The following ARHGAP35 variants were observed in gnomAD, a reference collection of about 807,000 sequenced individuals.
ARHGAP35 encodes the protein Rho GTPase activating protein 35, also known as rho GTPase-activating protein 35.
Under a neutral mutation model 111.1 loss-of-function variants are expected in ARHGAP35, and 15 were observed. That is an observed-to-expected ratio of 0.13 (90% CI 0.09 to 0.21). ARHGAP35 has a LOEUF of 0.21. Ranked by LOEUF, ARHGAP35 falls within the 10% of genes least tolerant of loss-of-function variation. ARHGAP35 has a pLI of 1.00. For missense variants in ARHGAP35, 1,262 were observed against 1,873.0 expected (o/e 0.67, Z 6.02); for synonymous variants, 643 against 710.3 (o/e 0.91, Z 1.51).
rs189457811 is a variant in ARHGAP35, at chr19:47,000,723, C to G, written c.*35C>G. ...ACCTGGGGCGACAGGAGAACCGGTC[C>G]TCTCTCTGACGGGGTGGCATTTGGC... On this transcript the variant is annotated 3_prime_UTR_variant, in exon 7 of 7. Coordinates refer to ENST00000672722, the MANE Select transcript of ARHGAP35 (RefSeq NM_004491.5). The surrounding 1 kb of genome is among the most constrained non-coding windows in gnomAD (Gnocchi z 6.9). 900 of 1,532,502 alleles carry G rather than the reference C, an allele frequency of 5.9e-4. 7 individuals are homozygous for G. In the African/African-American group the frequency reaches 0.011, roughly 19 times the overall value. 94.9% of individuals were successfully genotyped at this position (1,532,502 alleles called of 1,614,324 possible).
rs376342193 is a variant in ARHGAP35, at chr19:46,879,587, A to AAAAT, written c.-189+18406_-189+18409dup. Among the ~76,000 whole-genome samples the AAAAT allele has an allele frequency of 3.6e-3, 319 of 87,724 alleles. 6 individuals carry two copies. The highest frequency in any genetic ancestry group is 5.7e-3 in the African/African-American group (131 of 22,948). 57.6% of individuals were successfully genotyped at this position (87,724 alleles called of 152,430 possible). On this transcript the variant is annotated intron_variant, in intron 1 of 6. Coordinates refer to ENST00000672722, the MANE Select transcript of ARHGAP35 (RefSeq NM_004491.5). ...GGACAACAGAGTGAGACTCCATCTCAAAATAAATAAATAAATAAATAAATA... is the reference window on the plus strand; with the variant it reads ...GGACAACAGAGTGAGACTCCATCTCAAAATAAATAAATAAATAAATAAATAAATA...
In ARHGAP35 at chr19:47,001,064, G is replaced by T; in HGVS notation, c.*376G>T. On this transcript the variant is annotated 3_prime_UTR_variant, in exon 7 of 7. Coordinates refer to ENST00000672722, the MANE Select transcript of ARHGAP35 (RefSeq NM_004491.5). This position sits in a 1 kb window ranked among gnomAD's most constrained non-coding sequence, Gnocchi z 5.4. ...GTGCCCTGGCCTTTGCCGGGGAGGA[G>T]GATGCTCTGAGATTCAGGGTGGGGC... 1 of 1,327,162 alleles carries T rather than the reference G, an allele frequency of 7.5e-7. No homozygotes were observed. 82.2% of individuals were successfully genotyped at this position (1,327,162 alleles called of 1,614,324 possible).
chr19:46,898,496 T>C (rs2056068735), intron 1 of ARHGAP35, among the ~76,000 whole-genome samples: 1 of 152,234 alleles, frequency 6.6e-6, no homozygotes, highest in Non-Finnish European at 1.5e-5. Context: ...TTTTTTAAAA[T>C]TGCTAGTCCT....
intron 2 of ARHGAP35, among the ~76,000 whole-genome samples, chr19:46,934,383 C>G (rs542653242): frequency 5.3e-5 from 8 of 152,206 alleles, no homozygotes; most frequent in Admixed American, 4.6e-4. Flanking sequence ...GCCCCTCCTC[C>G]CGGAGACACA....
chr19:46,877,424 G>A (rs1265969158), intron 1 of ARHGAP35, among the ~76,000 whole-genome samples: 1 of 151,718 alleles, frequency 6.6e-6, no homozygotes, highest in Non-Finnish European at 1.5e-5. Context: ...CTAGCCGGGC[G>A]TGGTGGTGGG....
At chr19:46,943,155 CT>C (rs2056359189) in intron 3 of ARHGAP35, among the ~76,000 whole-genome samples, 1 of 152,140 alleles carries the variant, frequency 6.6e-6, no homozygotes, top group South Asian at 2.1e-4. Context: ...ATCCTTCCTC[CT>C]TTTCTTCCTG....
chr19:46,920,629 C>T lies in ARHGAP35; in HGVS notation c.1954C>T (p.Gln652Ter). Reference protein sequence around the residue: ...GNVRLPVNSFQTPTFQPHGCL... With the variant: ...GNVRLPVNSF ...TGTCAGGCTTCCTGTGAACTCTTTC[C>T]AGACGCCAACATTTCAGCCCCACGG... The change falls in exon 2 of 7, where the codon CAG becomes TAG. Residue 652 changes from glutamine (Q) to a stop codon, truncating the protein, a stop_gained. Transcript: ENST00000672722. LOFTEE classifies it high-confidence loss of function. The surrounding 1 kb of genome is among the most constrained non-coding windows in gnomAD (Gnocchi z 7.0). The T allele has an allele frequency of 6.2e-7, 1 of 1,614,028 alleles. No homozygotes were observed. The highest frequency in any genetic ancestry group is 8.5e-7 in the Non-Finnish European group (1 of 1,179,902).
chr19:46,949,552 G>T (rs566959033), intron 3 of ARHGAP35, among the ~76,000 whole-genome samples: 2 of 152,240 alleles, frequency 1.3e-5, no homozygotes, highest in South Asian at 4.1e-4. Context: ...CAACAAAAAA[G>T]GGGTCTCATG....
At chr19:46,976,611 A>G (rs993156465) in intron 3 of ARHGAP35, among the ~76,000 whole-genome samples, 1 of 152,238 alleles carries the variant, frequency 6.6e-6, no homozygotes, top group African/African-American at 2.4e-5. Context: ...CGCCTTCTCC[A>G]TGGTGGGGAG....
chr19:46,913,448 G>A (rs1176552019), intron 1 of ARHGAP35, among the ~76,000 whole-genome samples: 5 of 152,004 alleles, frequency 3.3e-5, no homozygotes, highest in Non-Finnish European at 7.4e-5. Flanking sequence ...GTGTTTCATA[G>A]AGGTGTTAAA....
At chr19:46,913,909 CAT>C (rs1001711720) in intron 1 of ARHGAP35, among the ~76,000 whole-genome samples, 1 of 152,156 alleles carries the variant, frequency 6.6e-6, no homozygotes, top group Non-Finnish European at 1.5e-5. Flanking sequence ...ACTCTAAAGA[CAT>C]TGTGAAGTCT....
At chr19:46,933,734 T>TC (rs1325409521) in intron 2 of ARHGAP35, among the ~76,000 whole-genome samples, 10 of 151,960 alleles carry the variant, frequency 6.6e-5, no homozygotes, top group African/African-American at 2.4e-4. Context: ...GGCAGGAGGG[T>TC]CCCTTGAGCC....
chr19:46,907,719 C>T (rs2056118065), intron 1 of ARHGAP35, among the ~76,000 whole-genome samples: 1 of 151,972 alleles, frequency 6.6e-6, no homozygotes, highest in South Asian at 2.1e-4. Context: ...CCTCGTGATC[C>T]GCCCGCCTCT....
chr19:46,879,039 T>G (rs1360480486), intron 1 of ARHGAP35, among the ~76,000 whole-genome samples: 2 of 152,232 alleles, frequency 1.3e-5, no homozygotes, highest in African/African-American at 2.4e-5. Flanking sequence ...CTTTCAAAAT[T>G]AGAGTCAATC....
At position 46,877,102 on chromosome 19, in the gene ARHGAP35, A is replaced by G. The variant is rs1374367610; in HGVS notation, c.-189+15893A>G. ...CCATCTCTACTAAAAATACAAAATTAGTCAGGCGTGGTGGCGCATGCCTGT... is the reference window on the plus strand; with the variant it reads ...CCATCTCTACTAAAAATACAAAATTGGTCAGGCGTGGTGGCGCATGCCTGT... On this transcript the variant is annotated intron_variant, in intron 1 of 6. Coordinates refer to ENST00000672722, the MANE Select transcript of ARHGAP35 (RefSeq NM_004491.5). Among the ~76,000 whole-genome samples the G allele has an allele frequency of 2.7e-5, 4 of 150,904 alleles. No homozygotes were observed. In the East Asian group the frequency reaches 7.8e-4, roughly 30 times the overall value.
intron 1 of ARHGAP35, among the ~76,000 whole-genome samples, chr19:46,873,398 G>A (rs1034058916): frequency 2.0e-5 from 3 of 152,002 alleles, no homozygotes; most frequent in South Asian, 4.1e-4. Flanking sequence ...TTGGTGGGCC[G>A]AGGTGGGCGG....
At chr19:46,906,429 T>G (rs1271505647) in intron 1 of ARHGAP35, among the ~76,000 whole-genome samples, 1 of 152,250 alleles carries the variant, frequency 6.6e-6, no homozygotes, top group African/African-American at 2.4e-5. Flanking sequence ...GGGCACTGCT[T>G]CTCTGCATTT....
chr19:46,976,940 C>G (rs2056582913), intron 3 of ARHGAP35, among the ~76,000 whole-genome samples: 2 of 152,198 alleles, frequency 1.3e-5, no homozygotes, highest in South Asian at 2.1e-4. Flanking sequence ...CCCCATGCCT[C>G]TATAACCCCT....
At chr19:46,879,550 G>A (rs1167705813) in intron 1 of ARHGAP35, among the ~76,000 whole-genome samples, 1 of 150,598 alleles carries the variant, frequency 6.6e-6, no homozygotes, top group Non-Finnish European at 1.5e-5. Context: ...TCGCGCCACT[G>A]CACTCCAGCC....
Sources: gnomAD v4.1 joint callset for allele counts (sites outside exome capture counted in the v4.1 genomes callset) on GRCh38, gnomAD v4.1.1 for gene constraint, Gnocchi (gnomAD v3.1) non-coding constraint, MANE v1.5 for transcripts, NCBI Gene and HGNC (gene_info 2026-07-23, HGNC 2026-07-21) for gene names.